PINK1: variants seen among roughly 807,000 people sequenced by gnomAD.
PINK1 encodes the protein serine/threonine-protein kinase PINK1, mitochondrial.
PINK1 carries 58 observed loss-of-function variants against 56.0 expected under a neutral mutation model. That is an observed-to-expected ratio of 1.04 (90% confidence interval 0.84 to 1.29). The LOEUF (loss-of-function observed/expected upper bound fraction) is 1.29. Among genes scored for constraint, PINK1 ranks in the 50% most tolerant of loss-of-function variants. PINK1 has a pLI of 0.00. For missense variants in PINK1, 745 were observed against 777.9 expected, an observed-to-expected ratio of 0.96 and a Z score of 0.50; for synonymous variants, 354 against 339.3, an observed-to-expected ratio of 1.04 and a Z score of -0.48.
chr1:20,638,767 C>T (rs565723396), intron 2 of PINK1: 4 of 156,182 alleles, frequency 2.6e-5, no homozygotes, highest in Non-Finnish European at 5.7e-5. Context: ...CTCTGTCAAC[C>T]ACACTTTGAG....
chr1:20,648,995 G>T lies in PINK1; in HGVS notation c.1252G>T (p.Val418Leu). Residue 418 changes from valine (V) to leucine (L), a missense_variant and splice_region_variant, in exon 7 of 8, where the codon GTG becomes TTG. Physicochemically the swap from Val to Leu is conservative, Grantham distance 32. Coordinates refer to ENST00000321556, the MANE Select transcript of PINK1 (RefSeq NM_032409.3). ...TGTCTCACCCACTGCTTCTGAGCAG[G>T]TGTCCACGGCCCGTCCTGGCCCCAG... ...GGNGCLMAPE[V>L]STARPGPRAV... 1 of 1,612,972 alleles carries T rather than the reference G, an allele frequency of 6.2e-7. No homozygotes were observed. Among genetic ancestry groups the T allele is most frequent in the Non-Finnish European group, 8.5e-7 (1 of 1,180,010 alleles).
At chr1:20,644,266 A>G (rs953348901) in intron 3 of PINK1, among the ~76,000 whole-genome samples, 1 of 152,174 alleles carries the variant, frequency 6.6e-6, no homozygotes, top group African/African-American at 2.4e-5. Context: ...GGATGGACGG[A>G]CGGACAGACG....
intron 7 of PINK1, chr1:20,649,680 G>A (rs572393899): frequency 4.2e-4 from 77 of 184,444 alleles, no homozygotes; most frequent in African/African-American, 1.7e-3. Context: ...CAGGAGAATC[G>A]TTTGAACCCT....
intron 1 of PINK1, 29 bp downstream of exon 1, chr1:20,633,964 G>A (rs780188375): frequency 2.5e-6 from 4 of 1,569,736 alleles, no homozygotes; most frequent in Non-Finnish European, 3.4e-6. Context: ...TAAGCCGAGC[G>A]GAGGACGGAG....
intron 3 of PINK1, chr1:20,642,792 C>T (rs536858027): frequency 2.0e-5 from 3 of 152,268 alleles, no homozygotes; most frequent in Non-Finnish European, 2.9e-5. Context: ...CTCAGCCTCC[C>T]AAGTAGCTGG....
In PINK1 at chr1:20,649,472, AGTT is replaced by A. The variant is rs2053236578; in HGVS notation, c.1488+245_1488+247del. The A allele has an allele frequency of 1.5e-5, 8 of 536,024 alleles. No individual in the cohort carries two copies. In the Admixed American group the frequency reaches 2.5e-4, roughly 17 times the overall value. The allele number at this position is 536,024 out of a possible 1,614,324, so 33.2% of individuals were successfully genotyped here. On this transcript the variant is annotated intron_variant, in intron 7 of 7. Coordinates refer to ENST00000321556, the MANE Select transcript of PINK1 (RefSeq NM_032409.3). Reference sequence around the variant, plus strand: ...CTGTGGCTTTTTTAGTTGCTGAAAAAGTTGTTCAGAGGCCAGACACGGTGGCTT... The same window carrying A: ...CTGTGGCTTTTTTAGTTGCTGAAAAAGTTCAGAGGCCAGACACGGTGGCTT...
In PINK1 at chr1:20,637,692, A is replaced by G. The variant is rs1056183403; in HGVS notation, c.388-150A>G. On this transcript the variant is annotated intron_variant, in intron 1 of 7. Coordinates refer to ENST00000321556, the MANE Select transcript of PINK1 (RefSeq NM_032409.3). Reference sequence around the variant, plus strand: ...AAGATGGCCTGGACCCAGGCTGAGCAGTAGAACCTGGTTGGGTTGTGTTTT... The same window carrying G: ...AAGATGGCCTGGACCCAGGCTGAGCGGTAGAACCTGGTTGGGTTGTGTTTT... 6 of 841,746 alleles carry G rather than the reference A, an allele frequency of 7.1e-6. No individual in the cohort carries two copies. In the Admixed American group the frequency reaches 1.0e-4, roughly 14 times the overall value. The allele number at this position is 841,746 out of a possible 1,614,324, so 52.1% of individuals were successfully genotyped here.
chr1:20,648,417 C>T, intron 5 of PINK1, 88 bp from the exon 6 acceptor site: 1 of 1,581,764 alleles, frequency 6.3e-7, no homozygotes, highest in African/African-American at 1.3e-5. Context: ...TCAGCTATGT[C>T]TTGCTGGTGG....
In PINK1 at chr1:20,650,687, T is replaced by C; in HGVS notation, c.1742T>C (p.Leu581Pro). 2 of 1,613,552 alleles carry C rather than the reference T, an allele frequency of 1.2e-6. No individual in the cohort carries two copies. Among genetic ancestry groups the C allele is most frequent in the Non-Finnish European group, 8.5e-7 (1 of 1,180,002 alleles). Residue 581 changes from leucine (L) to proline (P), a missense_variant, in exon 8 of 8, where the codon CTG becomes CCG. Coordinates refer to ENST00000321556, the MANE Select transcript of PINK1 (RefSeq NM_032409.3). ...ALLLCSWRAA[L>P] is the part of the protein sequence containing the mutation. Reference sequence around the variant, plus strand: ...CTCCTCTGCTCATGGAGGGCAGCCCTGTGATGTCCCTGCATGGAGCTGGTG... The same window carrying C: ...CTCCTCTGCTCATGGAGGGCAGCCCCGTGATGTCCCTGCATGGAGCTGGTG...
intron 2 of PINK1, chr1:20,639,534 C>G (rs989037295): frequency 2.3e-5 from 8 of 353,332 alleles, no homozygotes; most frequent in Non-Finnish European, 3.9e-5. Flanking sequence ...TGAAGGGAGC[C>G]TGCAGAATGA....
At chr1:20,648,720 A>G in intron 6 of PINK1, 88 bp downstream of exon 6, 1 of 1,572,412 alleles carries the variant, frequency 6.4e-7, no homozygotes, top group Admixed American at 1.8e-5. Flanking sequence ...GTGATAACCC[A>G]ACACCTCCAT....
At chr1:20,645,503 A>AAG (rs1553146536) in intron 4 of PINK1, 57 bp from the exon 5 acceptor site, 2 of 1,530,242 alleles carry the variant, frequency 1.3e-6, no homozygotes, top group East Asian at 4.5e-5. Context: ...AAAAAAAAAA[A>AAG]ACGTATTGGG....
Position 20,633,485 on chromosome 1 carries a change from C to CCGGCGGGGGACGCCGGTGGTGGCGG in PINK1, c.-62_-38dup. ...AGGCACCGCCCCAAGTTTGTTGTGACCGGCGGGGGACGCCGGTGGTGGCGG... is the reference window on the plus strand; with the variant it reads ...AGGCACCGCCCCAAGTTTGTTGTGACCGGCGGGGGACGCCGGTGGTGGCGGCGGCGGGGGACGCCGGTGGTGGCGG... On this transcript the variant is annotated 5_prime_UTR_variant, in exon 1 of 8. Transcript: ENST00000321556. 1 of 1,089,278 alleles carries CCGGCGGGGGACGCCGGTGGTGGCGG rather than the reference C, an allele frequency of 9.2e-7. No individual in the cohort carries two copies. Among genetic ancestry groups the CCGGCGGGGGACGCCGGTGGTGGCGG allele is most frequent in the Non-Finnish European group, 1.1e-6 (1 of 896,884 alleles). 67.5% of individuals were successfully genotyped at this position (1,089,278 alleles called of 1,614,324 possible).
intron 5 of PINK1, chr1:20,648,298 T>C: frequency 3.1e-6 from 2 of 646,516 alleles, no homozygotes; most frequent in Admixed American, 2.4e-5. Context: ...CCTGGGGATT[T>C]TGCAGCCTGT....
At position 20,651,367 on chromosome 1, in the gene PINK1, A is replaced by ATACTC. The variant is rs1418700362; in HGVS notation, c.*678_*682dup. On this transcript the variant is annotated 3_prime_UTR_variant, in exon 8 of 8. Coordinates refer to ENST00000321556, the MANE Select transcript of PINK1 (RefSeq NM_032409.3). ...ATATTTGGCTTTAAGAATGATTCTT[A>ATACTC]TACTCTGAAGGTGAGAATATTTTGT... 1 of 143,546 alleles carries ATACTC rather than the reference A, an allele frequency of 7.0e-6. No homozygotes were observed. The highest frequency in any genetic ancestry group is 1.5e-5 in the Non-Finnish European group (1 of 64,642). 8.9% of individuals were successfully genotyped at this position (143,546 alleles called of 1,614,324 possible). A position where few individuals can be genotyped will look rare whatever the true frequency, so the allele number is the denominator to read the frequency against.
intron 1 of PINK1, among the ~76,000 whole-genome samples, 181 bp downstream of exon 1, chr1:20,634,116 A>G (rs1183457007): frequency 1.3e-5 from 2 of 152,220 alleles, no homozygotes; most frequent in East Asian, 3.9e-4. Flanking sequence ...AAATAAAGCC[A>G]GCACCTCCCA....
rs187538158 is a variant in PINK1, at chr1:20,649,291, G to T, written c.1488+60G>T. ...GGTAGAAACCTCTGTTCTCGTTCCA[G>T]AGTGAAGGTCAGGTTTGGGCCAGAG... On this transcript the variant is annotated intron_variant, in intron 7 of 7. Transcript: ENST00000321556. The T allele has an allele frequency of 4.9e-4, 774 of 1,567,142 alleles. 5 individuals are homozygous for T. The African/African-American group carries it at 9.5e-3, about 19-fold the overall frequency.
chr1:20,639,757 C>G, intron 2 of PINK1, 135 bp from the exon 3 acceptor site: 1 of 762,634 alleles, frequency 1.3e-6, no homozygotes, highest in Non-Finnish European at 2.3e-6. Context: ...CCAGTTAAGA[C>G]AGGTCATCTT....
chr1:20,647,466 C>CTGTT (rs2053197747), intron 5 of PINK1, among the ~76,000 whole-genome samples: 1 of 73,202 alleles, frequency 1.4e-5, no homozygotes, highest in Non-Finnish European at 2.4e-5. Flanking sequence ...TGGGAGTTGG[C>CTGTT]TTTTTTTTTT....
Sources: allele counts gnomAD v4.1 joint callset (sites outside exome capture counted in the v4.1 genomes callset), GRCh38; gene constraint gnomAD v4.1.1; transcripts MANE v1.5; gene names NCBI Gene and HGNC (gene_info 2026-07-23, HGNC 2026-07-21).